OXSR1: variants seen among roughly 807,000 people sequenced by gnomAD.
OXSR1 encodes the protein serine/threonine-protein kinase OSR1.
Under a neutral mutation model 79.8 loss-of-function variants are expected in OXSR1, and 24 were observed. The observed-to-expected ratio is 0.30, with a 90% CI of 0.22 to 0.42. OXSR1 has a LOEUF of 0.42. OXSR1 is among the 10% of genes least tolerant of loss of function. OXSR1 has a pLI of 1.00. For synonymous variants in OXSR1, 226 were observed against 209.2 expected, an observed-to-expected ratio of 1.08 and a Z score of -0.69; for missense variants, 430 against 618.4, an observed-to-expected ratio of 0.70 and a Z score of 3.23.
chr3:38,244,666 TGC>T (rs1553639105), intron 12 of OXSR1, among the ~76,000 whole-genome samples: 6 of 143,956 alleles, frequency 4.2e-5, no homozygotes, highest in African/African-American at 1.6e-4. Flanking sequence ...TGTGTGTGTG[TGC>T]GTGCGCATGT....
At chr3:38,222,076 A>G (rs916082764) in intron 6 of OXSR1, among the ~76,000 whole-genome samples, 1 of 152,188 alleles carries the variant, frequency 6.6e-6, no homozygotes, top group African/African-American at 2.4e-5. Flanking sequence ...CAAACTCAGT[A>G]TGCTGCGAAC....
intron 9 of OXSR1, 32 bp from the exon 10 acceptor site, chr3:38,230,333 G>T (rs905361349): frequency 8.4e-6 from 12 of 1,433,312 alleles, no homozygotes; most frequent in Admixed American, 5.6e-5. Flanking sequence ...TTAAAAACTT[G>T]TAAGAACAAA....
intron 14 of OXSR1, among the ~76,000 whole-genome samples, chr3:38,249,196 G>A (rs774570579): frequency 6.6e-6 from 1 of 152,072 alleles, no homozygotes; most frequent in Non-Finnish European, 1.5e-5. Context: ...ATAGATTTGA[G>A]TCCTAAGTGA....
chr3:38,231,275 G>A (rs1702800841), intron 10 of OXSR1, among the ~76,000 whole-genome samples: 1 of 151,932 alleles, frequency 6.6e-6, no homozygotes, highest in Admixed American at 6.6e-5. Flanking sequence ...CTCTATTTTA[G>A]AGATATATCT....
chr3:38,241,691 A>G (rs993104026), intron 11 of OXSR1, among the ~76,000 whole-genome samples: 6 of 152,208 alleles, frequency 3.9e-5, no homozygotes, highest in African/African-American at 1.4e-4. Context: ...GGTAAAGAGT[A>G]TACTTACGTT....
chr3:38,189,319 A>T (rs771804931), intron 2 of OXSR1, among the ~76,000 whole-genome samples: 3 of 152,134 alleles, frequency 2.0e-5, no homozygotes, highest in Non-Finnish European at 4.4e-5. Flanking sequence ...ATGCTCTCTT[A>T]TCTGTTTCCT....
chr3:38,251,435 T>G lies in OXSR1; in HGVS notation c.1408T>G (p.Ser470Ala). 6.2e-7 allele frequency: 1 copy of G among 1,613,540 alleles called. No individual in the cohort carries two copies. Among genetic ancestry groups the G allele is most frequent in the Non-Finnish European group, 8.5e-7 (1 of 1,179,522 alleles). The stretch of plus-strand genomic sequence containing the variant: ...AGAGGGTGTCTCTCAGGAACTCATT[T>G]CTGCTGGCCTGGTCGACGGAAGGGA... ...TAEGVSQELI[S>A]AGLVDGRDLV... Residue 470 changes from serine (S) to alanine (A), a missense_variant, in exon 16 of 18, where the codon TCT becomes GCT. By Grantham distance (99) the Ser-to-Ala change is moderately conservative. Coordinates refer to ENST00000311806, the MANE Select transcript of OXSR1 (RefSeq NM_005109.3).
intron 4 of OXSR1, among the ~76,000 whole-genome samples, chr3:38,201,859 G>A (rs1702171656): frequency 6.6e-6 from 1 of 152,100 alleles, no homozygotes; most frequent in African/African-American, 2.4e-5. Flanking sequence ...GCAAGACTCT[G>A]TGTCGAAAAG....
chr3:38,214,612 T>A (rs1243072186), intron 4 of OXSR1, among the ~76,000 whole-genome samples: 1 of 152,248 alleles, frequency 6.6e-6, no homozygotes, highest in Non-Finnish European at 1.5e-5. Flanking sequence ...TCTCTCCTGT[T>A]TGTAGTGACT....
chr3:38,178,620 A>ATAT (rs1265646743), intron 1 of OXSR1, among the ~76,000 whole-genome samples: 35 of 95,094 alleles, frequency 3.7e-4, no homozygotes, highest in African/African-American at 1.1e-3. Flanking sequence ...ATATATATAT[A>ATAT]TTTTTTTTTT....
intron 2 of OXSR1, among the ~76,000 whole-genome samples, chr3:38,185,826 T>C (rs1701874567): frequency 2.0e-5 from 3 of 151,628 alleles, no homozygotes; most frequent in South Asian, 2.1e-4. Context: ...GCACCTGTTA[T>C]TGCAGCTACT....
At chr3:38,245,985 A>G in intron 12 of OXSR1, 90 bp from the exon 13 acceptor site, 1 of 1,180,102 alleles carries the variant, frequency 8.5e-7, no homozygotes, top group South Asian at 1.3e-5. Context: ...CTACTTTGAA[A>G]ATATCACCCT....
At chr3:38,221,224 A>T (rs192704916) in intron 5 of OXSR1, among the ~76,000 whole-genome samples, 2 of 152,040 alleles carry the variant, frequency 1.3e-5, no homozygotes, top group Admixed American at 6.5e-5. Context: ...AAATCTGAGA[A>T]GATGATGATA....
chr3:38,177,212 TCTC>T (rs1701690999), intron 1 of OXSR1, among the ~76,000 whole-genome samples: 1 of 152,232 alleles, frequency 6.6e-6, no homozygotes, highest in Non-Finnish European at 1.5e-5. Context: ...TTAGCTTCCT[TCTC>T]CTATTCCGTG....
At chr3:38,179,587 C>T (rs1475102448) in intron 1 of OXSR1, among the ~76,000 whole-genome samples, 1 of 152,132 alleles carries the variant, frequency 6.6e-6, no homozygotes, top group African/African-American at 2.4e-5. Context: ...GTTTTCATAA[C>T]TCCAAAAGAA....
chr3:38,193,986 C>A lies in OXSR1; in HGVS notation c.292+3147C>A, dbSNP rs771044911. Among the ~76,000 whole-genome samples the A allele has an allele frequency of 2.7e-4, 41 of 152,062 alleles. No homozygotes were observed. The Middle Eastern group carries it at 0.01, about 38-fold the overall frequency. Reference sequence around the variant, plus strand: ...TAAACTGAGATGAAACGTTAGGCAACATTTAGAAAACAAAAGTTAGAACTA... The same window carrying A: ...TAAACTGAGATGAAACGTTAGGCAAAATTTAGAAAACAAAAGTTAGAACTA... On this transcript the variant is annotated intron_variant, in intron 3 of 17. Coordinates refer to ENST00000311806, the MANE Select transcript of OXSR1 (RefSeq NM_005109.3).
intron 1 of OXSR1, among the ~76,000 whole-genome samples, chr3:38,178,620 A>ATATAT (rs1265646743): frequency 2.9e-4 from 28 of 95,100 alleles, no homozygotes; most frequent in East Asian, 6.5e-4. Context: ...ATATATATAT[A>ATATAT]TTTTTTTTTT....
intron 11 of OXSR1, among the ~76,000 whole-genome samples, chr3:38,240,299 T>C (rs1011059600): frequency 1.3e-4 from 20 of 152,112 alleles, no homozygotes; most frequent in Admixed American, 1.0e-3. Context: ...AATGAGTAAA[T>C]GTCTCAATGT....
At position 38,200,191 on chromosome 3, in the gene OXSR1, G is replaced by T. The variant is rs530045188; in HGVS notation, c.434+1328G>T. ...CTGCAACTCCAAGTATGGAGTCAGG[G>T]ATGGGACCACCTATTAGATTTCTGC... On this transcript the variant is annotated intron_variant, in intron 4 of 17. Transcript: ENST00000311806. Among the ~76,000 whole-genome samples the T allele has an allele frequency of 2.0e-4, 31 of 152,306 alleles. No individual in the cohort carries two copies. In the South Asian group the frequency reaches 5.4e-3, roughly 26 times the overall value.
Sources: allele counts gnomAD v4.1 joint callset (sites outside exome capture counted in the v4.1 genomes callset), GRCh38; gene constraint gnomAD v4.1.1; transcripts MANE v1.5; gene names NCBI Gene and HGNC (gene_info 2026-07-23, HGNC 2026-07-21).